AGBL1: variants seen among roughly 807,000 people sequenced by gnomAD.
AGBL1 encodes AGBL carboxypeptidase 1, also known as cytosolic carboxypeptidase 4.
AGBL1 carries 130 observed loss-of-function variants against 118.9 expected under a neutral mutation model. The ratio of observed to expected loss-of-function variants is 1.09; its 90% confidence interval spans 0.95 to 1.26. The LOEUF (loss-of-function observed/expected upper bound fraction) is 1.26, where lower values mean the gene tolerates loss of function less well. Ranked by LOEUF, AGBL1 falls within the 50% of genes most tolerant of loss-of-function variation. AGBL1 has a pLI of 0.00. For synonymous variants in AGBL1, 555 were observed against 478.9 expected (o/e 1.16, Z -2.08); for missense variants, 1,584 against 1,298.1 (o/e 1.22, Z -3.38).
intron 6 of AGBL1, among the ~76,000 whole-genome samples, chr15:86,236,024 A>G (rs2078536309): frequency 6.6e-6 from 1 of 152,256 alleles, no homozygotes; most frequent in South Asian, 2.1e-4. Flanking sequence ...AGATTGTGTA[A>G]TATGCACTTG....
chr15:86,323,348 C>T (rs2080134589), intron 17 of AGBL1, among the ~76,000 whole-genome samples: 1 of 151,238 alleles, frequency 6.6e-6, no homozygotes, highest in South Asian at 2.1e-4. Flanking sequence ...TTGGCTTTTC[C>T]ATAATTATGT....
intron 22 of AGBL1, among the ~76,000 whole-genome samples, chr15:86,746,068 T>C (rs1053121842): frequency 9.2e-5 from 14 of 152,096 alleles, no homozygotes; most frequent in Non-Finnish European, 1.5e-4. Context: ...TCTCACCTAG[T>C]ACTTCATCCC....
At chr15:86,512,172 A>C (rs1161991178) in intron 18 of AGBL1, among the ~76,000 whole-genome samples, 1 of 151,932 alleles carries the variant, frequency 6.6e-6, no homozygotes, top group East Asian at 1.9e-4. Flanking sequence ...TGGTGGAAAA[A>C]ACCATTATAG....
intron 18 of AGBL1, among the ~76,000 whole-genome samples, chr15:86,514,135 A>ACAC (rs75703224): frequency 7.4e-5 from 11 of 149,296 alleles, no homozygotes; most frequent in South Asian, 4.2e-4. Flanking sequence ...TACACACACA[A>ACAC]ACACACACAC....
intron 5 of AGBL1, among the ~76,000 whole-genome samples, chr15:86,184,958 C>A (rs1285245858): frequency 6.6e-6 from 1 of 152,088 alleles, no homozygotes; most frequent in Non-Finnish European, 1.5e-5. Context: ...AAGAAACTAC[C>A]ATCAGAGTGA....
intron 18 of AGBL1, among the ~76,000 whole-genome samples, chr15:86,436,760 G>C (rs1290277377): frequency 2.0e-5 from 3 of 152,194 alleles, no homozygotes; most frequent in African/African-American, 7.2e-5. Flanking sequence ...GGGACCAAAA[G>C]TTAATTAGTT....
intron 5 of AGBL1, among the ~76,000 whole-genome samples, chr15:86,204,909 T>C (rs910081263): frequency 7.9e-5 from 12 of 152,112 alleles, no homozygotes; most frequent in Admixed American, 3.9e-4. Flanking sequence ...TGAATCTACA[T>C]TGGCACTTCA....
chr15:86,252,775 A>G (rs74883787), intron 7 of AGBL1, among the ~76,000 whole-genome samples: 2,673 of 152,308 alleles, frequency 0.018, 47 homozygotes, highest in East Asian at 0.068. Flanking sequence ...AGCGAGTGGG[A>G]CAACTAGGAC....
chr15:86,194,328 T>A (rs1270299322), intron 5 of AGBL1, among the ~76,000 whole-genome samples: 1 of 152,250 alleles, frequency 6.6e-6, no homozygotes, highest in East Asian at 1.9e-4. Flanking sequence ...GGGTCTATGC[T>A]TAAGCATTTG....
intron 19 of AGBL1, among the ~76,000 whole-genome samples, chr15:86,536,369 G>A (rs893612417): frequency 3.3e-5 from 5 of 152,158 alleles, no homozygotes; most frequent in East Asian, 3.9e-4. Context: ...GGAGTGCAGC[G>A]GTGCAATCTC....
chr15:86,611,571 C>A (rs2084654569), intron 21 of AGBL1, among the ~76,000 whole-genome samples: 1 of 152,088 alleles, frequency 6.6e-6, no homozygotes, highest in Non-Finnish European at 1.5e-5. Flanking sequence ...ATGTCAGATC[C>A]TACAAGGTGA....
At chr15:86,191,276 A>T (rs940840514) in intron 5 of AGBL1, among the ~76,000 whole-genome samples, 2 of 133,162 alleles carry the variant, frequency 1.5e-5, no homozygotes, top group Non-Finnish European at 3.1e-5. Flanking sequence ...TGAACCTGGG[A>T]GGCGGAGGTT....
chr15:86,774,585 GCTCT>G (rs2078226699), intron 22 of AGBL1, among the ~76,000 whole-genome samples: 1 of 117,804 alleles, frequency 8.5e-6, no homozygotes, highest in Admixed American at 8.4e-5. Context: ...GCAACAGGTA[GCTCT>G]CAGGGCAGGA....
chr15:86,258,568 T>C (rs1224029467), intron 9 of AGBL1, among the ~76,000 whole-genome samples: 2 of 152,210 alleles, frequency 1.3e-5, no homozygotes, highest in South Asian at 2.1e-4. Context: ...GAGAGGTTGG[T>C]GAACTTCCTA....
intron 24 of AGBL1, among the ~76,000 whole-genome samples, chr15:87,026,132 C>G (rs7173829): frequency 0.079 from 11,986 of 151,896 alleles, 1,583 homozygotes; most frequent in African/African-American, 0.27. Flanking sequence ...AACACAAATA[C>G]AATAATAACA....
intron 18 of AGBL1, among the ~76,000 whole-genome samples, chr15:86,415,587 C>T (rs1477224476): frequency 4.6e-5 from 7 of 152,240 alleles, no homozygotes; most frequent in African/African-American, 1.7e-4. Flanking sequence ...GTGTATTTAG[C>T]ATGAAGCCTT....
At chr15:86,974,431 TA>T (rs1430699125) in intron 23 of AGBL1, among the ~76,000 whole-genome samples, 3 of 129,750 alleles carry the variant, frequency 2.3e-5, no homozygotes, top group Non-Finnish European at 4.7e-5. Flanking sequence ...TTTTATATAT[TA>T]AATATAAACA....
At chr15:86,959,418 G>T (rs931190840) in intron 23 of AGBL1, among the ~76,000 whole-genome samples, 14 of 152,068 alleles carry the variant, frequency 9.2e-5, no homozygotes, top group African/African-American at 3.4e-4. Context: ...CTGGAAATGG[G>T]TGTTCTCTGG....
At chr15:86,589,277 A>G (rs999101925) in intron 21 of AGBL1, among the ~76,000 whole-genome samples, 3 of 152,176 alleles carry the variant, frequency 2.0e-5, no homozygotes, top group Admixed American at 6.6e-5. Context: ...GATAGAAAGT[A>G]TACTGCAGAA....
Sources: gnomAD v4.1 joint callset for allele counts (sites outside exome capture counted in the v4.1 genomes callset) on GRCh38, gnomAD v4.1.1 for gene constraint, MANE v1.5 for transcripts, NCBI Gene and HGNC (gene_info 2026-07-23, HGNC 2026-07-21) for gene names.